The following SLC39A11 variants were observed in gnomAD, a reference collection of about 807,000 sequenced individuals.
SLC39A11 encodes solute carrier family 39 member 11, also known as zinc transporter ZIP11.
A neutral mutation model predicts 36.1 loss-of-function variants in SLC39A11; 33 were observed. The ratio of observed to expected loss-of-function variants is 0.91; its 90% CI spans 0.69 to 1.22. The LOEUF is 1.22. Ranked by LOEUF, SLC39A11 falls within the 50% of genes most tolerant of loss-of-function variation. The pLI is 0.00. For missense variants in SLC39A11, 432 were observed against 430.3 expected (o/e 1.00, Z -0.03); for synonymous variants, 166 against 170.3 (o/e 0.97, Z 0.20).
chr17:72,786,794 C>G (rs2076531705), intron 6 of SLC39A11, among the ~76,000 whole-genome samples: 2 of 152,062 alleles, frequency 1.3e-5, no homozygotes, highest in South Asian at 4.2e-4. Context: ...GAGGCAGACT[C>G]TAGGCAGAGA....
chr17:73,087,521 C>T (rs1476402263), intron 2 of SLC39A11, among the ~76,000 whole-genome samples: 1 of 152,162 alleles, frequency 6.6e-6, no homozygotes, highest in African/African-American at 2.4e-5. Flanking sequence ...CCATGGATGG[C>T]TCCAGGGCTG....
intron 6 of SLC39A11, among the ~76,000 whole-genome samples, chr17:72,741,648 T>C (rs1261554928): frequency 6.6e-6 from 1 of 152,124 alleles, no homozygotes; most frequent in Non-Finnish European, 1.5e-5. Context: ...AGCACTAGTA[T>C]TTGCATTAAA....
intron 4 of SLC39A11, among the ~76,000 whole-genome samples, chr17:73,013,992 C>A (rs1598857563): frequency 6.6e-6 from 1 of 152,256 alleles, no homozygotes; most frequent in Admixed American, 6.5e-5. Context: ...CCCTGCTGTG[C>A]CTTGGCAATC....
At chr17:72,947,319 GAA>G (rs35047970) in intron 5 of SLC39A11, among the ~76,000 whole-genome samples, 4 of 148,894 alleles carry the variant, frequency 2.7e-5, no homozygotes, top group Admixed American at 6.7e-5. Flanking sequence ...ATCTCGGGGG[GAA>G]AAAAAAAATC....
intron 7 of SLC39A11, among the ~76,000 whole-genome samples, chr17:72,717,003 A>G (rs1292775460): frequency 6.9e-6 from 1 of 144,996 alleles, no homozygotes. Flanking sequence ...ACACACACAC[A>G]CACACACACA....
intron 7 of SLC39A11, among the ~76,000 whole-genome samples, chr17:72,727,651 C>CA (rs57874434): frequency 0.023 from 1,651 of 72,426 alleles, 16 homozygotes; most frequent in South Asian, 0.043. Flanking sequence ...GACTCCGTCT[C>CA]AAAAAAAAAA....
intron 7 of SLC39A11, among the ~76,000 whole-genome samples, chr17:72,662,292 GA>G (rs2070462038): frequency 7.0e-6 from 1 of 142,970 alleles, no homozygotes; most frequent in East Asian, 2.0e-4. Context: ...AAGGAAGAAA[GA>G]AAAGAGGAAA....
At chr17:72,822,075 C>T (rs1178754437) in intron 6 of SLC39A11, 1 of 151,194 alleles carries the variant, frequency 6.6e-6, no homozygotes, top group African/African-American at 2.4e-5. Flanking sequence ...CCTGGGCGGC[C>T]ACATCCAACA....
At chr17:72,720,529 G>A (rs2714032) in intron 7 of SLC39A11, among the ~76,000 whole-genome samples, 1,890 of 152,260 alleles carry the variant, frequency 0.012, 46 homozygotes, top group African/African-American at 0.043. Flanking sequence ...GCAGGGAGTG[G>A]GGAGTGCTTG....
At chr17:72,999,535 G>T (rs1246374843) in intron 4 of SLC39A11, among the ~76,000 whole-genome samples, 2 of 152,128 alleles carry the variant, frequency 1.3e-5, no homozygotes, top group African/African-American at 2.4e-5. Context: ...AGGGTTTATT[G>T]AGCCTTATAT....
At chr17:72,832,312 CGAGCCCCCTAGG>C (rs1567787259) in intron 6 of SLC39A11, among the ~76,000 whole-genome samples, 1 of 152,186 alleles carries the variant, frequency 6.6e-6, no homozygotes, top group Non-Finnish European at 1.5e-5. Context: ...GGATTCGTCA[CGAGCCCCCTAGG>C]GGCTTCACAC....
intron 4 of SLC39A11, among the ~76,000 whole-genome samples, chr17:73,004,804 T>A (rs2090092371): frequency 1.3e-5 from 2 of 152,190 alleles, no homozygotes; most frequent in Non-Finnish European, 2.9e-5. Context: ...GGCACGATGT[T>A]ATGGGCAGAG....
chr17:72,964,747 A>G (rs570857256), intron 4 of SLC39A11, among the ~76,000 whole-genome samples: 1 of 152,330 alleles, frequency 6.6e-6, no homozygotes, highest in Non-Finnish European at 1.5e-5. Context: ...CCATCCCATT[A>G]CTGGGTATAT....
At chr17:73,030,885 T>C (rs574473071) in intron 4 of SLC39A11, among the ~76,000 whole-genome samples, 107 of 152,222 alleles carry the variant, frequency 7.0e-4, no homozygotes, top group Non-Finnish European at 1.2e-3. Flanking sequence ...TGCTTCCCTG[T>C]AAGCACATAC....
At chr17:73,092,403 T>C (rs1235124308) in intron 1 of SLC39A11, 3 of 152,342 alleles carry the variant, frequency 2.0e-5, no homozygotes, top group Non-Finnish European at 4.4e-5. Context: ...TCCGGGGACT[T>C]CCTTCCCACC....
At chr17:72,721,526 C>A (rs956759232) in intron 7 of SLC39A11, among the ~76,000 whole-genome samples, 1 of 152,164 alleles carries the variant, frequency 6.6e-6, no homozygotes, top group African/African-American at 2.4e-5. Context: ...AGGTAAAAGA[C>A]AGCACAGGAC....
chr17:72,964,075 G>A (rs1200488716), intron 4 of SLC39A11, among the ~76,000 whole-genome samples: 6 of 152,120 alleles, frequency 3.9e-5, no homozygotes, highest in Non-Finnish European at 5.9e-5. Context: ...GGCGCCCCCC[G>A]AGGTACACAC....
rs1036054949 is a variant in SLC39A11, at chr17:73,059,011, G to C, written c.147+25797C>G. 3.3e-5 allele frequency among the ~76,000 whole-genome samples: 5 copies of C among 151,994 alleles called. No individual in the cohort carries two copies. In the South Asian group the frequency reaches 1.0e-3, roughly 32 times the overall value. On this transcript the variant is annotated intron_variant, in intron 3 of 9. Coordinates refer to ENST00000255559, the MANE Select transcript of SLC39A11 (RefSeq NM_139177.4). ...ATGGACAGCATAAAAGTTTATAAAT[G>C]AATTTGTCATTGTTTCAAAAATCTT... is the stretch of plus-strand genomic sequence containing the variant.
intron 3 of SLC39A11, among the ~76,000 whole-genome samples, chr17:73,074,995 C>T (rs1186959812): frequency 6.6e-6 from 1 of 152,100 alleles, no homozygotes; most frequent in Non-Finnish European, 1.5e-5. Context: ...TCAAGACTTG[C>T]CAAAGAGACA....
Sources: allele counts gnomAD v4.1 joint callset (sites outside exome capture counted in the v4.1 genomes callset), GRCh38; gene constraint gnomAD v4.1.1; transcripts MANE v1.5; gene names NCBI Gene and HGNC (gene_info 2026-07-23, HGNC 2026-07-21).